JAK1: variants seen among roughly 807,000 people sequenced by gnomAD.
JAK1 encodes the protein Janus kinase 1.
Under a neutral mutation model 136.6 loss-of-function variants are expected in JAK1, and 16 were observed. The observed-to-expected ratio is 0.12, with a 90% CI of 0.08 to 0.18. The LOEUF (loss-of-function observed/expected upper bound fraction) is 0.18. Ranked by LOEUF, JAK1 falls within the 10% of genes least tolerant of loss-of-function variation. The pLI is 1.00. For synonymous variants in JAK1, 492 were observed against 519.5 expected (o/e 0.95, Z 0.72); for missense variants, 859 against 1,450.1 (o/e 0.59, Z 6.62).
chr1:64,979,359 A>G (rs550076686), intron 2 of JAK1, among the ~76,000 whole-genome samples: 2 of 152,230 alleles, frequency 1.3e-5, no homozygotes, highest in South Asian at 4.1e-4. Context: ...TGCTCATGCC[A>G]TTGCACCCCA....
chr1:64,970,131 T>G (rs1646436847), upstream of JAK1, among the ~76,000 whole-genome samples: 1 of 294 alleles, frequency 3.4e-3, no homozygotes, highest in African/African-American at 5.6e-3. Flanking sequence ...TGAGACCCTG[T>G]CTCAAAAAAA....
chr1:65,024,439 TA>T (rs1646961089), intron 2 of JAK1, among the ~76,000 whole-genome samples: 1 of 152,222 alleles, frequency 6.6e-6, no homozygotes, highest in South Asian at 2.1e-4. Context: ...TTGCTCATTT[TA>T]AATTGGGTCA....
At chr1:64,957,062 CT>C (rs144014906) in intron 1 of JAK1, among the ~76,000 whole-genome samples, 118 of 152,270 alleles carry the variant, frequency 7.7e-4, no homozygotes, top group Non-Finnish European at 1.3e-3. Flanking sequence ...AAGAAGGTCA[CT>C]GGTGACCTCA....
chr1:65,002,685 C>T (rs1308000455), intron 2 of JAK1, among the ~76,000 whole-genome samples: 2 of 152,262 alleles, frequency 1.3e-5, no homozygotes, highest in Admixed American at 6.5e-5. Context: ...AAAGTGCGAG[C>T]CTGGCCGGCG....
At chr1:64,964,142 A>G (rs1646332832) in intron 1 of JAK1, among the ~76,000 whole-genome samples, 1 of 152,254 alleles carries the variant, frequency 6.6e-6, no homozygotes, top group South Asian at 2.1e-4. Flanking sequence ...TTAATAAGCC[A>G]ATTCCCCATC....
At chr1:64,946,556 T>C (rs1041890007) in intron 1 of JAK1, among the ~76,000 whole-genome samples, 9 of 152,240 alleles carry the variant, frequency 5.9e-5, no homozygotes, top group African/African-American at 2.2e-4. Context: ...CTAATGTTCT[T>C]TGTTTTCTAG....
At chr1:64,928,591 A>G (rs1158028744) in intron 1 of JAK1, among the ~76,000 whole-genome samples, 1 of 152,064 alleles carries the variant, frequency 6.6e-6, no homozygotes, top group Admixed American at 6.6e-5. Context: ...GAGGAGCATA[A>G]AGAGACCCAA....
intron 1 of JAK1, among the ~76,000 whole-genome samples, chr1:64,964,215 A>G (rs1646333914): frequency 6.6e-6 from 1 of 152,250 alleles, no homozygotes; most frequent in Non-Finnish European, 1.5e-5. Flanking sequence ...ATGAATATTC[A>G]CATCTCAGAC....
chr1:64,985,181 G>A, intron 2 of JAK1: 1 of 1,472,686 alleles, frequency 6.8e-7, no homozygotes, highest in South Asian at 1.1e-5. Context: ...TGGTGACACA[G>A]ATGGGCTCTT....
At position 64,835,389 on chromosome 1, in the gene JAK1, T is replaced by C. The variant is rs763775918; in HGVS notation, c.3369+7A>G. The C allele has an allele frequency of 5.3e-6, 8 of 1,513,372 alleles. No homozygotes were observed. Among genetic ancestry groups the C allele is most frequent in the South Asian group, 2.4e-5 (2 of 84,518 alleles). 93.7% of individuals were successfully genotyped at this position (1,513,372 alleles called of 1,614,324 possible). A position where few individuals can be genotyped will look rare whatever the true frequency, so the allele number is the denominator to read the frequency against. ...AGTGTTATTACTGTGACGTGGCCCA[T>C]AGATACCTCATCTGGACAGTTAGGT... On this transcript the variant is annotated splice_region_variant and intron_variant, in intron 24 of 24. Transcript: ENST00000342505.
intron 1 of JAK1, among the ~76,000 whole-genome samples, chr1:64,899,882 T>C (rs1645078302): frequency 6.6e-6 from 1 of 152,184 alleles, no homozygotes; most frequent in Non-Finnish European, 1.5e-5. Flanking sequence ...ATGTATAGGA[T>C]GATCCTAGCT....
intron 2 of JAK1, chr1:64,986,067 G>C (rs1275313864): frequency 1.6e-5 from 19 of 1,195,424 alleles, no homozygotes; most frequent in Non-Finnish European, 2.3e-5. Flanking sequence ...GAAGATCAGA[G>C]ATGGGGTGAC....
intron 1 of JAK1, among the ~76,000 whole-genome samples, chr1:64,895,145 G>A (rs1644995814): frequency 1.3e-5 from 2 of 152,092 alleles, no homozygotes; most frequent in African/African-American, 4.8e-5. Context: ...TGATATCCTA[G>A]GAACCTATGC....
intron 1 of JAK1, among the ~76,000 whole-genome samples, chr1:64,894,852 T>C (rs545882068): frequency 8.5e-5 from 13 of 152,138 alleles, no homozygotes; most frequent in African/African-American, 3.1e-4. Context: ...CTTGGCCCCC[T>C]CAACCAAAAA....
chr1:64,849,749 G>A (rs1330847581), intron 12 of JAK1, among the ~76,000 whole-genome samples: 2 of 152,246 alleles, frequency 1.3e-5, no homozygotes, highest in African/African-American at 2.4e-5. Flanking sequence ...GGAGGCTCGA[G>A]GCAAGGGAAA....
At position 65,005,619 on chromosome 1, in the gene JAK1, T is replaced by C. The variant is rs557312868; in HGVS notation, c.-78+38861A>G. Among the ~76,000 whole-genome samples, 17 of 152,362 alleles carry C rather than the reference T, an allele frequency of 1.1e-4. No homozygotes were observed. The South Asian group carries it at 2.9e-3, about 26-fold the overall frequency. On this transcript the variant is annotated intron_variant, in intron 2 of 25. Coordinates refer to the JAK1 transcript ENST00000671954. The stretch of plus-strand genomic sequence containing the variant: ...TATGCTAATTACCCAGATTTGATCA[T>C]TGCACATTGTACACATGTACTGAAA...
intron 2 of JAK1, among the ~76,000 whole-genome samples, chr1:65,019,083 G>A (rs576647689): frequency 6.6e-6 from 1 of 152,180 alleles, no homozygotes; most frequent in East Asian, 1.9e-4. Context: ...CATTAAATAA[G>A]TTGAATCGTT....
chr1:65,044,948 T>TA (rs112413084), intron 1 of JAK1, among the ~76,000 whole-genome samples: 33,433 of 152,144 alleles, frequency 0.22, 4,165 homozygotes, highest in African/African-American at 0.33. Context: ...ATGATGCAGG[T>TA]AAAAATATTG....
intron 2 of JAK1, among the ~76,000 whole-genome samples, chr1:65,024,360 T>C (rs1427036920): frequency 2.6e-5 from 4 of 152,188 alleles, no homozygotes; most frequent in Non-Finnish European, 2.9e-5. Flanking sequence ...ATTAATGACG[T>C]TGAACATCTT....
Sources: allele counts gnomAD v4.1 joint callset (sites outside exome capture counted in the v4.1 genomes callset), GRCh38; gene constraint gnomAD v4.1.1; transcripts MANE v1.5; gene names NCBI Gene and HGNC (gene_info 2026-07-23, HGNC 2026-07-21).